Variants in DNAH2 observed in about 807,000 individuals in gnomAD.
DNAH2 encodes the protein dynein axonemal heavy chain 2, also known as axonemal beta dynein heavy chain 2.
In DNAH2, 323 loss-of-function variants were observed where a neutral mutation model predicts 523.5. The ratio of observed to expected loss-of-function variants is 0.62; its 90% CI spans 0.56 to 0.68. The LOEUF (loss-of-function observed/expected upper bound fraction) is 0.68. Among genes scored for constraint, DNAH2 ranks in the 30% least tolerant of loss-of-function variants. DNAH2 has a pLI of 0.00. For synonymous variants in DNAH2, 2,093 were observed against 2,177.4 expected (o/e 0.96, Z 1.08); for missense variants, 4,907 against 5,701.5 (o/e 0.86, Z 4.49).
intron 4 of DNAH2, among the ~76,000 whole-genome samples, chr17:7,729,918 A>C (rs1433286129): frequency 6.6e-6 from 1 of 152,238 alleles, no homozygotes; most frequent in Non-Finnish European, 1.5e-5. Flanking sequence ...AATCACCCAC[A>C]GTACATTAGA....
At chr17:7,735,744 G>A (rs1192826978) in intron 7 of DNAH2, among the ~76,000 whole-genome samples, 2 of 150,992 alleles carry the variant, frequency 1.3e-5, no homozygotes, top group African/African-American at 4.9e-5. Context: ...CAGCTCAATT[G>A]TTAATTTTTT....
Position 7,807,502 on chromosome 17 carries a change from C to G in DNAH2, c.9645C>G (p.Pro3215=). The change falls in exon 63 of 86, where the codon CCC becomes CCG. Residue 3215 remains proline (P), a synonymous_variant. Transcript: ENST00000572933. The surrounding 1 kb of genome is among the most constrained non-coding windows in gnomAD (Gnocchi z 5.6). ...LYGRLYRVVE[P]KRIRMNAALA... ...GGCGGCTATATCGGGTGGTGGAGCC[C>G]AAGCGAATCCGAATGAACGCTGCCT... 1 of 1,613,646 alleles carries G rather than the reference C, an allele frequency of 6.2e-7. No homozygotes were observed. Among genetic ancestry groups the G allele is most frequent in the Non-Finnish European group, 8.5e-7 (1 of 1,180,028 alleles).
chr17:7,831,476 C>A lies in DNAH2; in HGVS notation c.12546C>A (p.Pro4182=). The A allele has an allele frequency of 6.2e-7, 1 of 1,614,188 alleles. No homozygotes were observed. The highest frequency in any genetic ancestry group is 8.5e-7 in the Non-Finnish European group (1 of 1,180,034). ...CTCAAAAACTGCTAGCTCTCGACCC[C>A]TCCCCCCTCAATGTGGTCCTTCTGC... ...EGTQKLLALD[P]SPLNVVLLQE... is the part of the protein sequence containing the mutation. Residue 4182 remains proline (P), a synonymous_variant, in exon 81 of 86, where the codon CCC becomes CCA. Transcript: ENST00000572933. This position sits in a 1 kb window ranked among gnomAD's most constrained non-coding sequence, Gnocchi z 4.2.
At position 7,817,696 on chromosome 17, in the gene DNAH2, A is replaced by T. The variant is rs1009287573; in HGVS notation, c.10156A>T (p.Thr3386Ser). 6 of 1,614,088 alleles carry T rather than the reference A, an allele frequency of 3.7e-6. No individual in the cohort carries two copies. The highest frequency in any genetic ancestry group is 5.1e-6 in the Non-Finnish European group (6 of 1,180,000). The stretch of plus-strand genomic sequence containing the variant: ...CTCCACTGAGAATGGCATCATCGTC[A>T]CCCGAGGCAACAGGTGAGGGTGCTG... ...AFSTENGIIVTRGNRWALMID... is the reference protein window; with the variant it reads ...AFSTENGIIVSRGNRWALMID... Residue 3386 changes from threonine to serine, a missense_variant, in exon 66 of 86, where the codon ACC becomes TCC. Physicochemically the swap from Thr to Ser is moderately conservative, Grantham distance 58. Coordinates refer to ENST00000572933, the MANE Select transcript of DNAH2 (RefSeq NM_020877.5).
chr17:7,719,661 C>G, intron 1 of DNAH2, 60 bp from the exon 2 acceptor site: 1 of 1,594,944 alleles, frequency 6.3e-7, no homozygotes, highest in South Asian at 1.1e-5. Flanking sequence ...CTGCTTGTAT[C>G]AGGGGGCTGG....
chr17:7,810,947 T>C (rs555745345), intron 63 of DNAH2, among the ~76,000 whole-genome samples: 1 of 152,342 alleles, frequency 6.6e-6, no homozygotes, highest in East Asian at 1.9e-4. Flanking sequence ...CAGCTAGTTC[T>C]GATATACAAC....
intron 44 of DNAH2, among the ~76,000 whole-genome samples, chr17:7,790,067 C>T (rs895699123): frequency 1.3e-5 from 2 of 152,130 alleles, no homozygotes; most frequent in Admixed American, 6.5e-5. Context: ...TGAAGGATGC[C>T]GAGTTTGCTG....
At chr17:7,761,800 A>G (rs761394713) in intron 18 of DNAH2, among the ~76,000 whole-genome samples, 4 of 151,810 alleles carry the variant, frequency 2.6e-5, no homozygotes, top group Non-Finnish European at 5.9e-5. Context: ...GAAGATCTTA[A>G]TTTCTGATCT....
intron 46 of DNAH2, 27 bp downstream of exon 46, chr17:7,792,370 G>A (rs1404889643): frequency 1.9e-6 from 3 of 1,609,436 alleles, no homozygotes; most frequent in Non-Finnish European, 2.6e-6. Context: ...GGTGTGAGGA[G>A]GGCATGGGGC....
Position 7,821,315 on chromosome 17 carries a change from G to A in DNAH2, c.11088G>A (p.Glu3696=). The change falls in exon 73 of 86, where the codon GAG becomes GAA. Residue 3696 remains glutamate (E), a synonymous_variant. Transcript: ENST00000572933. The surrounding 1 kb of genome is among the most constrained non-coding windows in gnomAD (Gnocchi z 5.0). ...FSFHMCAKIL[E]TSGKLNMDEY... ...TTCATATGTGTGCCAAAATCTTGGA[G>A]ACTTCTGGCAAGCTCAACATGGATG... The A allele has an allele frequency of 6.2e-7, 1 of 1,613,940 alleles. No homozygotes were observed. The highest frequency in any genetic ancestry group is 1.3e-5 in the African/African-American group (1 of 75,026).
intron 58 of DNAH2, 126 bp downstream of exon 58, chr17:7,802,143 A>G: frequency 7.4e-7 from 1 of 1,354,220 alleles, no homozygotes; most frequent in Non-Finnish European, 1.0e-6. Flanking sequence ...GGAAGTTGGG[A>G]AGAGGGAGTT....
intron 44 of DNAH2, 126 bp from the exon 45 acceptor site, chr17:7,791,791 G>GC: frequency 3.3e-6 from 3 of 922,668 alleles, no homozygotes; most frequent in African/African-American, 1.7e-5. Flanking sequence ...AAAACTGTGC[G>GC]ATTTTCCAAA....
chr17:7,737,323 G>A, intron 8 of DNAH2, 65 bp downstream of exon 8: 3 of 1,529,152 alleles, frequency 2.0e-6, no homozygotes, highest in Non-Finnish European at 2.7e-6. Flanking sequence ...TGAAGCAGGG[G>A]GAATGCATTC....
At chr17:7,799,023 T>C (rs1265880926) in intron 55 of DNAH2, 80 bp from the exon 56 acceptor site, 7 of 1,556,260 alleles carry the variant, frequency 4.5e-6, no homozygotes, top group Non-Finnish European at 6.1e-6. Flanking sequence ...AAACACTTCG[T>C]CAGCCCCACC....
rs1277568353 is a variant in DNAH2, at chr17:7,797,188, A to G, written c.7876A>G (p.Met2626Val). The G allele has an allele frequency of 6.2e-7, 1 of 1,612,912 alleles. No individual in the cohort carries two copies. Among genetic ancestry groups the G allele is most frequent in the East Asian group, 2.2e-5 (1 of 44,806 alleles). Reference protein sequence around the residue: ...LRDISKVFQGMLRANKDFHDT... With the variant: ...LRDISKVFQGVLRANKDFHDT... ...GTCCTCTTCCCAGGTGTTCCAGGGC[A>G]TGCTTAGAGCCAACAAGGACTTCCA... is the stretch of plus-strand genomic sequence containing the variant. Residue 2626 changes from methionine to valine, a missense_variant, in exon 51 of 86, where the codon ATG becomes GTG. Met to Val is a conservative substitution (Grantham distance 21). Around this residue, in one of 3 missense-constraint regions of DNAH2, gnomAD observed 250 missense variants for 371.3 expected, o/e 0.67. Transcript: ENST00000572933.
rs768439746 is a variant in DNAH2 at position 7,768,289 on chromosome 17, G to T, written c.3941+22G>T. On this transcript the variant is annotated intron_variant, in intron 24 of 85. Transcript: ENST00000572933. Reference sequence around the variant, plus strand: ...AGAGGTGAGGCTTCTCCTCTGCTCCGGGGTGTCCACTCTGCCCCGCTGGCC... The same window carrying T: ...AGAGGTGAGGCTTCTCCTCTGCTCCTGGGTGTCCACTCTGCCCCGCTGGCC... The T allele has an allele frequency of 6.2e-6, 10 of 1,613,398 alleles. No homozygotes were observed. In the East Asian group the frequency reaches 2.0e-4, roughly 32 times the overall value.
chr17:7,787,318 G>A (rs1329180701), intron 42 of DNAH2: 4 of 504,214 alleles, frequency 7.9e-6, no homozygotes, highest in African/African-American at 3.8e-5. Context: ...CAGGACCCTC[G>A]TTTGTGCACC....
At chr17:7,721,373 C>T (rs2074600221) in intron 2 of DNAH2, among the ~76,000 whole-genome samples, 1 of 152,068 alleles carries the variant, frequency 6.6e-6, no homozygotes, top group Non-Finnish European at 1.5e-5. Flanking sequence ...GGGGTTTCAC[C>T]ATGTTGCCCA....
At position 7,781,159 on chromosome 17, in the gene DNAH2, T is replaced by C; in HGVS notation, c.6121T>C (p.Tyr2041His). The C allele has an allele frequency of 1.2e-6, 2 of 1,614,228 alleles. No individual in the cohort carries two copies. Among genetic ancestry groups the C allele is most frequent in the African/African-American group, 1.3e-5 (1 of 75,068 alleles). ...FPNIELPVIDYGKLRETVEQE... is the reference protein window; with the variant it reads ...FPNIELPVIDHGKLRETVEQE... ...CAACATTGAGCTGCCTGTCATTGAC[T>C]ATGGCAAGGTATTTGTTCCTTAATA... Residue 2041 changes from tyrosine (Y) to histidine (H), a missense_variant, in exon 39 of 86, where the codon TAT (tyrosine) becomes CAT (histidine). Physicochemically the swap from Tyr to His is moderately conservative, Grantham distance 83. Around this residue, in one of 3 missense-constraint regions of DNAH2, gnomAD observed 2,806 missense variants for 3,190.8 expected, o/e 0.88. Coordinates refer to ENST00000572933, the MANE Select transcript of DNAH2 (RefSeq NM_020877.5).
Sources: allele counts gnomAD v4.1 joint callset (sites outside exome capture counted in the v4.1 genomes callset), GRCh38; gene constraint gnomAD v4.1.1; regional missense constraint gnomAD v4.1.1; non-coding constraint Gnocchi (gnomAD v3.1); transcripts MANE v1.5; gene names NCBI Gene and HGNC (gene_info 2026-07-23, HGNC 2026-07-21).